Variants in ADGB observed in about 807,000 individuals in gnomAD.
The protein encoded by ADGB is calpain-7-like protein.
Under a neutral mutation model 210.5 loss-of-function variants are expected in ADGB, and 172 were observed. That is an observed-to-expected ratio of 0.82 (90% CI 0.72 to 0.93). The LOEUF (loss-of-function observed/expected upper bound fraction) is 0.93. Among genes scored for constraint, ADGB ranks in the 40% least tolerant of loss-of-function variants. ADGB has a pLI of 0.00. For missense variants in ADGB, 2,025 were observed against 1,964.8 expected (o/e 1.03, Z -0.58); for synonymous variants, 658 against 662.7 (o/e 0.99, Z 0.11).
At chr6:146,656,300 G>C (rs997979907) in intron 4 of ADGB, among the ~76,000 whole-genome samples, 1 of 152,210 alleles carries the variant, frequency 6.6e-6, no homozygotes, top group African/African-American at 2.4e-5. Context: ...GTATATTTAT[G>C]TGTCTACCCC....
At chr6:146,683,707 G>A (rs1776187859) in intron 9 of ADGB, among the ~76,000 whole-genome samples, 1 of 151,832 alleles carries the variant, frequency 6.6e-6, no homozygotes, top group African/African-American at 2.4e-5. Context: ...GAATTCCCAG[G>A]TTTCCATATA....
At chr6:146,704,920 C>T (rs1346474922) in intron 13 of ADGB, among the ~76,000 whole-genome samples, 1 of 151,976 alleles carries the variant, frequency 6.6e-6, no homozygotes, top group Non-Finnish European at 1.5e-5. Context: ...ATTGCTTTGG[C>T]TAGTACAGCC....
At chr6:146,758,270 T>C (rs1420583493) in intron 27 of ADGB, among the ~76,000 whole-genome samples, 1 of 152,124 alleles carries the variant, frequency 6.6e-6, no homozygotes, top group Non-Finnish European at 1.5e-5. Context: ...TTCTTTATTT[T>C]GATACATTTT....
chr6:146,651,775 G>A (rs1169602032), intron 3 of ADGB, among the ~76,000 whole-genome samples: 1 of 152,100 alleles, frequency 6.6e-6, no homozygotes, highest in Non-Finnish European at 1.5e-5. Flanking sequence ...AATTAGATAA[G>A]TGAGCACTGT....
chr6:146,667,810 G>C (rs147914419), intron 7 of ADGB, among the ~76,000 whole-genome samples: 14 of 151,790 alleles, frequency 9.2e-5, no homozygotes, highest in Non-Finnish European at 1.3e-4. Flanking sequence ...ATTACTTCTC[G>C]TTTAAAAATC....
chr6:146,815,094 GC>G lies in ADGB; in HGVS notation c.4882del (p.Leu1628TrpfsTer6). On this transcript the variant is annotated frameshift_variant, in exon 36 of 36. Coordinates refer to ENST00000397944, the MANE Select transcript of ADGB (RefSeq NM_024694.4). LOFTEE classifies it low-confidence loss of function (END_TRUNC). ...TCCGGGAAGAGTACAGAAACAAATT[GC>G]TGGAAGCTGAGCACCTAAAGCTGGA... Reference protein sequence around the residue: ...DIREEYRNKLLEAEHLKLETL... With the variant: ...DIREEYRNKLXEAEHLKLETL... 1 of 1,549,022 alleles carries G rather than the reference GC, an allele frequency of 6.5e-7. No individual in the cohort carries two copies. Among genetic ancestry groups the G allele is most frequent in the Non-Finnish European group, 8.7e-7 (1 of 1,146,356 alleles).
chr6:146,616,605 A>T (rs1016790225), intron 1 of ADGB, among the ~76,000 whole-genome samples: 4 of 152,106 alleles, frequency 2.6e-5, no homozygotes, highest in African/African-American at 9.7e-5. Context: ...TGATCTTTGC[A>T]TATGGTGAAA....
intron 1 of ADGB, among the ~76,000 whole-genome samples, chr6:146,605,483 C>T (rs1240827146): frequency 6.6e-6 from 1 of 151,934 alleles, no homozygotes; most frequent in Non-Finnish European, 1.5e-5. Flanking sequence ...GAATGCCTCG[C>T]CTTATTTATT....
At chr6:146,808,411 A>G (rs796446369) in intron 35 of ADGB, among the ~76,000 whole-genome samples, 8 of 152,262 alleles carry the variant, frequency 5.3e-5, no homozygotes, top group African/African-American at 1.4e-4. Flanking sequence ...GCAACCCATC[A>G]TGGTCACCTG....
At position 146,774,263 on chromosome 6, in the gene ADGB, G is replaced by T. The variant is rs184642517; in HGVS notation, c.3862+5132G>T. On this transcript the variant is annotated intron_variant, in intron 29 of 35. Coordinates refer to ENST00000397944, the MANE Select transcript of ADGB (RefSeq NM_024694.4). ...ATTAATATCTGAAATGAACACAGTA[G>T]TTTAATTCATGAAATACAATAATGT... Among the ~76,000 whole-genome samples the T allele has an allele frequency of 2.4e-4, 37 of 152,254 alleles. No homozygotes were observed. The East Asian group carries it at 6.7e-3, about 28-fold the overall frequency.
intron 27 of ADGB, among the ~76,000 whole-genome samples, chr6:146,762,112 T>C (rs1777500723): frequency 6.6e-6 from 1 of 151,468 alleles, no homozygotes; most frequent in Non-Finnish European, 1.5e-5. Context: ...CACCCTTATG[T>C]CAAATAAGGT....
chr6:146,693,522 T>C (rs985197251), intron 12 of ADGB, among the ~76,000 whole-genome samples: 1 of 152,150 alleles, frequency 6.6e-6, no homozygotes, highest in Non-Finnish European at 1.5e-5. Flanking sequence ...CCACCTAACC[T>C]GTGGTATTTT....
At chr6:146,790,447 G>A (rs1471629347) in intron 33 of ADGB, among the ~76,000 whole-genome samples, 1 of 152,032 alleles carries the variant, frequency 6.6e-6, no homozygotes, top group Non-Finnish European at 1.5e-5. Context: ...TGCCGCATTT[G>A]TCTCTCTGTG....
rs143575950 is a variant in ADGB, at chr6:146,807,746, A to G, written c.4818+5735A>G. ...ACTTGTTAGTTTTCCTCAGAAAGCT[A>G]GTATTTGAAGCCATTCGAGTTTAAG... On this transcript the variant is annotated intron_variant, in intron 35 of 35. Coordinates refer to ENST00000397944, the MANE Select transcript of ADGB (RefSeq NM_024694.4). 1.6e-3 allele frequency: 985 copies of G among 609,644 alleles called. 10 individuals carry two copies. In the African/African-American group the frequency reaches 0.018, roughly 11 times the overall value. The allele number at this position is 609,644 out of a possible 1,614,324, so 37.8% of individuals were successfully genotyped here.
At chr6:146,682,000 T>C (rs1010815628) in intron 9 of ADGB, among the ~76,000 whole-genome samples, 2 of 152,158 alleles carry the variant, frequency 1.3e-5, no homozygotes, top group Non-Finnish European at 2.9e-5. Context: ...ATAGGGTTTA[T>C]GTGAACTGAC....
At position 146,602,847 on chromosome 6, in the gene ADGB, T is replaced by G. The variant is rs554922885; in HGVS notation, c.74+3733T>G. 2.0e-5 allele frequency among the ~76,000 whole-genome samples: 3 copies of G among 152,286 alleles called. No individual in the cohort carries two copies. The East Asian group carries it at 5.8e-4, about 29-fold the overall frequency. ...TATTGTAAACTGTGCATACAAGGGA[T>G]CTAGGTTGTGTGATCTTTACAAGAA... On this transcript the variant is annotated intron_variant, in intron 1 of 35. Coordinates refer to ENST00000397944, the MANE Select transcript of ADGB (RefSeq NM_024694.4).
In ADGB at chr6:146,801,280, G is replaced by A; in HGVS notation, c.4634+1G>A. ...TTATGGATTTAAGTCAATATGTTCG[G>A]TAAGTTTTCATAAACATGATTGATG... On this transcript the variant is annotated splice_donor_variant, in intron 34 of 35. Coordinates refer to ENST00000397944, the MANE Select transcript of ADGB (RefSeq NM_024694.4). LOFTEE classifies it high-confidence loss of function. 2.7e-6 allele frequency: 4 copies of A among 1,466,714 alleles called. No homozygotes were observed. Among genetic ancestry groups the A allele is most frequent in the Non-Finnish European group, 3.6e-6 (4 of 1,101,894 alleles). The allele number at this position is 1,466,714 out of a possible 1,614,324, so 90.9% of individuals were successfully genotyped here.
At chr6:146,788,821 GC>G (rs979702280) in intron 33 of ADGB, among the ~76,000 whole-genome samples, 1 of 152,080 alleles carries the variant, frequency 6.6e-6, no homozygotes, top group East Asian at 1.9e-4. Context: ...GTGGGCAAAA[GC>G]CCCCCTACAG....
In ADGB at chr6:146,741,116, A is replaced by G. The variant is rs1042510066; in HGVS notation, c.3024-2A>G. The G allele has an allele frequency of 1.3e-5, 19 of 1,510,720 alleles. No homozygotes were observed. The highest frequency in any genetic ancestry group is 1.7e-5 in the Non-Finnish European group (19 of 1,129,168). The allele number at this position is 1,510,720 out of a possible 1,614,324, so 93.6% of individuals were successfully genotyped here. A position where few individuals can be genotyped will look rare whatever the true frequency, so the allele number is the denominator to read the frequency against. On this transcript the variant is annotated splice_acceptor_variant, in intron 24 of 35. Coordinates refer to ENST00000397944, the MANE Select transcript of ADGB (RefSeq NM_024694.4). LOFTEE classifies it high-confidence loss of function. ...GGAAAGTTCATGCTTTTGTAATTACAGAGAAACATTTTTGGTTCATCAAGA... is the reference window on the plus strand; with the variant it reads ...GGAAAGTTCATGCTTTTGTAATTACGGAGAAACATTTTTGGTTCATCAAGA...
Sources: allele counts gnomAD v4.1 joint callset (sites outside exome capture counted in the v4.1 genomes callset), GRCh38; gene constraint gnomAD v4.1.1; transcripts MANE v1.5; gene names NCBI Gene and HGNC (gene_info 2026-07-23, HGNC 2026-07-21).